Variants in ANXA8 observed in about 807,000 individuals in gnomAD.
ANXA8 encodes annexin A8, also known as VAC-beta.
In ANXA8, 9 loss-of-function variants were observed where a neutral mutation model predicts 26.8. That is an observed-to-expected ratio of 0.34 (90% CI 0.20 to 0.59). The LOEUF (loss-of-function observed/expected upper bound fraction) is 0.59, where lower values mean the gene tolerates loss of function less well. ANXA8 is among the 20% of genes least tolerant of loss of function. The probability of loss-of-function intolerance (pLI) is 0.84; values close to 1 mark genes in which losing one functional copy is unlikely to be tolerated. For synonymous variants in ANXA8, 39 were observed against 94.8 expected (o/e 0.41, Z 3.42); for missense variants, 83 against 238.5 (o/e 0.35, Z 4.29).
chr10:47,974,495 AATTT>A, the ANXA8 span, among the ~76,000 whole-genome samples: 3 of 147,940 alleles, frequency 2.0e-5, no homozygotes, highest in Admixed American at 1.4e-4. Context: ...TTAGACTGTT[AATTT>A]GAGATTGTTT....
chr10:47,777,660 G>A, the ANXA8 span, among the ~76,000 whole-genome samples: 13 of 152,198 alleles, frequency 8.5e-5, no homozygotes, highest in Non-Finnish European at 1.8e-4. Flanking sequence ...GGATGACAGC[G>A]CCTCTCTCCA....
the ANXA8 span, among the ~76,000 whole-genome samples, chr10:47,566,328 C>T: frequency 6.7e-6 from 1 of 150,130 alleles, no homozygotes; most frequent in South Asian, 2.1e-4. Context: ...CCAGAAAACA[C>T]TGCTGACATT....
At chr10:47,695,774 C>T in the ANXA8 span, among the ~76,000 whole-genome samples, 106 of 151,784 alleles carry the variant, frequency 7.0e-4, 3 homozygotes, top group Admixed American at 2.5e-3. Context: ...ACAGCTCACA[C>T]GTTTTGCTCT....
the ANXA8 span, among the ~76,000 whole-genome samples, chr10:47,493,328 C>CTT: frequency 1.3e-5 from 2 of 148,920 alleles, no homozygotes; most frequent in Non-Finnish European, 2.9e-5. Context: ...GTCCAGGATG[C>CTT]TTTGCCCAGG....
At chr10:47,683,571 C>G in the ANXA8 span, among the ~76,000 whole-genome samples, 1 of 151,856 alleles carries the variant, frequency 6.6e-6, no homozygotes, top group Non-Finnish European at 1.5e-5. Flanking sequence ...CACAAATGAA[C>G]TATGATAGCA....
chr10:47,696,043 G>A, the ANXA8 span, among the ~76,000 whole-genome samples: 1 of 151,586 alleles, frequency 6.6e-6, no homozygotes, highest in Non-Finnish European at 1.5e-5. Flanking sequence ...TAGGCACTAC[G>A]GCTTTGGAAC....
At chr10:47,700,780 T>G in the ANXA8 span, among the ~76,000 whole-genome samples, 1 of 150,036 alleles carries the variant, frequency 6.7e-6, no homozygotes, top group African/African-American at 2.5e-5. Context: ...ATAAAGAACT[T>G]TTAAACCTTG....
the ANXA8 span, chr10:47,763,241 C>A: frequency 1.0e-6 from 1 of 985,686 alleles, no homozygotes; most frequent in Non-Finnish European, 1.2e-6. Flanking sequence ...GGCAGGGATG[C>A]GGCGCTCGCG....
At chr10:47,533,228 C>CAT in the ANXA8 span, among the ~76,000 whole-genome samples, 1 of 138,636 alleles carries the variant, frequency 7.2e-6, no homozygotes, top group African/African-American at 2.7e-5. Flanking sequence ...CACACACCCC[C>CAT]GCAGACACCC....
the ANXA8 span, chr10:47,696,353 C>T: frequency 3.8e-5 from 31 of 813,824 alleles, 2 homozygotes; most frequent in Non-Finnish European, 5.1e-5. Flanking sequence ...AGGTTAACCA[C>T]ATTGTGAAGG....
chr10:47,940,721 C>T, the ANXA8 span, among the ~76,000 whole-genome samples: 11 of 145,768 alleles, frequency 7.5e-5, no homozygotes, highest in South Asian at 4.3e-4. Flanking sequence ...CCCAGCTACT[C>T]GGGAAGCTGA....
the ANXA8 span, among the ~76,000 whole-genome samples, chr10:47,755,143 G>A: frequency 2.6e-5 from 4 of 151,404 alleles, no homozygotes; most frequent in East Asian, 3.9e-4. Flanking sequence ...TTTTAGTACA[G>A]ACAGAATTTT....
At chr10:47,769,645 G>T in the ANXA8 span, among the ~76,000 whole-genome samples, 6 of 151,316 alleles carry the variant, frequency 4.0e-5, no homozygotes, top group African/African-American at 1.5e-4. Context: ...CCATTTTACT[G>T]GGCTTTAGTG....
chr10:47,777,834 G>A, the ANXA8 span, among the ~76,000 whole-genome samples: 1 of 151,872 alleles, frequency 6.6e-6, no homozygotes, highest in Non-Finnish European at 1.5e-5. Context: ...GCCCAGGCTG[G>A]ACTCGTGTGC....
the ANXA8 span, among the ~76,000 whole-genome samples, chr10:47,626,787 T>A: frequency 2.0e-5 from 3 of 150,254 alleles, no homozygotes; most frequent in Admixed American, 2.0e-4. Flanking sequence ...AGCTGTGACA[T>A]GCGCAAAGGA....
the ANXA8 span, among the ~76,000 whole-genome samples, chr10:47,916,132 ACAC>A: frequency 1.7e-5 from 1 of 58,944 alleles, no homozygotes. Context: ...CCAGCAGGTC[ACAC>A]CAGCCAGCCA....
the ANXA8 span, among the ~76,000 whole-genome samples, chr10:47,744,335 C>T: frequency 1.4e-5 from 2 of 147,602 alleles, no homozygotes; most frequent in African/African-American, 5.0e-5. Context: ...CACCTTCTAG[C>T]TGTGGGACCC....
At chr10:47,515,819 A>C in the ANXA8 span, among the ~76,000 whole-genome samples, 1 of 123,962 alleles carries the variant, frequency 8.1e-6, no homozygotes, top group Admixed American at 8.5e-5. Flanking sequence ...AGGTCTCCCA[A>C]ATGAAAAGCT....
chr10:47,543,536 G>A, the ANXA8 span: 1 of 343,148 alleles, frequency 2.9e-6, no homozygotes, highest in Admixed American at 5.1e-5. Flanking sequence ...TACAACAAGA[G>A]AATACCTGGC....
Sources: allele counts gnomAD v4.1 joint callset (sites outside exome capture counted in the v4.1 genomes callset), GRCh38; gene constraint gnomAD v4.1.1; transcripts MANE v1.5; gene names NCBI Gene and HGNC (gene_info 2026-07-23, HGNC 2026-07-21).